CDH23: variants seen among roughly 807,000 people sequenced by gnomAD.
CDH23 encodes the protein cadherin-23.
A neutral mutation model predicts 317.1 loss-of-function variants in CDH23; 189 were observed. That is an observed-to-expected ratio of 0.60 (90% CI 0.53 to 0.67). The LOEUF (loss-of-function observed/expected upper bound fraction) is 0.67. CDH23 is among the 30% of genes least tolerant of loss of function. The pLI is 0.00. For missense variants in CDH23, 4,401 were observed against 4,592.4 expected (o/e 0.96, Z 1.20); for synonymous variants, 1,839 against 1,876.8 (o/e 0.98, Z 0.52).
chr10:71,669,058 C>G (rs754739683), intron 14 of CDH23, among the ~76,000 whole-genome samples: 1 of 152,232 alleles, frequency 6.6e-6, no homozygotes, highest in Non-Finnish European at 1.5e-5. Flanking sequence ...CCCTCTCCCC[C>G]ACATGCTGAC....
At chr10:71,642,253 T>G (rs1812755944) in intron 11 of CDH23, among the ~76,000 whole-genome samples, 2 of 152,076 alleles carry the variant, frequency 1.3e-5, no homozygotes, top group African/African-American at 4.8e-5. Context: ...CATTGCTGAC[T>G]GCAAGGCCAA....
At chr10:71,476,684 G>A (rs1936925712) in intron 3 of CDH23, among the ~76,000 whole-genome samples, 1 of 152,190 alleles carries the variant, frequency 6.6e-6, no homozygotes, top group Non-Finnish European at 1.5e-5. Flanking sequence ...AGACAGAAGG[G>A]TGTATCGTAG....
chr10:71,771,834 C>G (rs761674364), intron 38 of CDH23, among the ~76,000 whole-genome samples: 15 of 152,228 alleles, frequency 9.9e-5, no homozygotes, highest in Non-Finnish European at 1.9e-4. Context: ...AAGCTGGGTC[C>G]CTGTGCCCTG....
chr10:71,615,016 G>A (rs778680242), intron 9 of CDH23, among the ~76,000 whole-genome samples: 3 of 151,804 alleles, frequency 2.0e-5, no homozygotes, highest in Non-Finnish European at 4.4e-5. Flanking sequence ...TTTACATCAC[G>A]GTCATAAATA....
At chr10:71,692,289 T>A (rs1370744712) in intron 20 of CDH23, among the ~76,000 whole-genome samples, 1 of 152,120 alleles carries the variant, frequency 6.6e-6, no homozygotes, top group African/African-American at 2.4e-5. Flanking sequence ...ACCCCCGCCC[T>A]TGCCTCCCCA....
chr10:71,681,867 C>T (rs1458029114), intron 17 of CDH23, among the ~76,000 whole-genome samples: 1 of 152,212 alleles, frequency 6.6e-6, no homozygotes, highest in Non-Finnish European at 1.5e-5. Flanking sequence ...CTGCCTTCTG[C>T]ACCCCACTGC....
intron 14 of CDH23, among the ~76,000 whole-genome samples, chr10:71,657,537 G>T (rs1231805601): frequency 6.6e-6 from 1 of 152,182 alleles, no homozygotes; most frequent in Admixed American, 6.5e-5. Flanking sequence ...GTAAGCCTGG[G>T]AGATGATAAC....
rs545047958 is a variant in CDH23, at chr10:71,815,354, G to A, written c.*76G>A. The A allele has an allele frequency of 3.2e-4, 447 of 1,377,996 alleles. 2 individuals are homozygous for A. Among genetic ancestry groups the A allele is most frequent in the Admixed American group, 1.6e-3 (58 of 37,254 alleles). The allele number at this position is 1,377,996 out of a possible 1,614,324, so 85.4% of individuals were successfully genotyped here. A position where few individuals can be genotyped will look rare whatever the true frequency, so the allele number is the denominator to read the frequency against. ...CCCAGGGAGCAAGGGCAGGGACAGGGCCGGTCGGGGGGGACCCTCCAAGGC... is the reference window on the plus strand; with the variant it reads ...CCCAGGGAGCAAGGGCAGGGACAGGACCGGTCGGGGGGGACCCTCCAAGGC... On this transcript the variant is annotated 3_prime_UTR_variant, in exon 70 of 70. Coordinates refer to ENST00000224721, the MANE Select transcript of CDH23 (RefSeq NM_022124.6).
At chr10:71,533,570 C>CACACACA (rs1855536445) in intron 6 of CDH23, among the ~76,000 whole-genome samples, 3 of 112,308 alleles carry the variant, frequency 2.7e-5, no homozygotes, top group Non-Finnish European at 4.1e-5. Flanking sequence ...CACACACACA[C>CACACACA]TGGCTGGGGC....
intron 9 of CDH23, among the ~76,000 whole-genome samples, chr10:71,598,940 C>T (rs1360092027): frequency 6.6e-6 from 1 of 152,148 alleles, no homozygotes; most frequent in Non-Finnish European, 1.5e-5. Context: ...ACATCTGGGG[C>T]TGAGCCTCCA....
chr10:71,761,696 AG>A (rs1840389992), intron 38 of CDH23: 1 of 1,613,888 alleles, frequency 6.2e-7, no homozygotes, highest in Non-Finnish European at 8.5e-7. Flanking sequence ...GCTATCCAGC[AG>A]GGTCAGGTTG....
rs58361666 is a variant in CDH23, at chr10:71,667,359, A to AGAGAGAGAGAGTGT, written c.1450-7752_1450-7751insAGAGAGAGAGTGTG. On this transcript the variant is annotated intron_variant, in intron 14 of 69. Coordinates refer to ENST00000224721, the MANE Select transcript of CDH23 (RefSeq NM_022124.6). ...GCTTGAGGCAGAGAAAGAGAGAGAG[A>AGAGAGAGAGAGTGT]GTGTGTGTGTGTGTGTGTGTGTGTG... is the stretch of plus-strand genomic sequence containing the variant. Among the ~76,000 whole-genome samples, 902 of 112,020 alleles carry AGAGAGAGAGAGTGT rather than the reference A, an allele frequency of 8.1e-3. 6 individuals are homozygous for AGAGAGAGAGAGTGT. The highest frequency in any genetic ancestry group is 9.9e-3 in the South Asian group (29 of 2,922). 73.5% of individuals were successfully genotyped at this position (112,020 alleles called of 152,430 possible).
chr10:71,798,577 A>C lies in CDH23; in HGVS notation c.7053A>C (p.Ala2351=). The C allele has an allele frequency of 6.2e-7, 1 of 1,605,652 alleles. No individual in the cohort carries two copies. The highest frequency in any genetic ancestry group is 2.2e-5 in the East Asian group (1 of 44,648). Residue 2351 remains alanine, a splice_region_variant and synonymous_variant, in exon 50 of 70, where the codon GCA becomes GCC. Coordinates refer to ENST00000224721, the MANE Select transcript of CDH23 (RefSeq NM_022124.6). The part of the protein sequence containing the change: ...PGYVQLEDSS[A]GKVIANRTVD... ...ATGTCCAGCTGGAGGACTCCTCGGC[A>C]GGTAGGTTAGAAATCTGTCAGAGGA...
chr10:71,522,715 G>T (rs1403575095), intron 6 of CDH23, among the ~76,000 whole-genome samples: 1 of 152,160 alleles, frequency 6.6e-6, no homozygotes, highest in Non-Finnish European at 1.5e-5. Flanking sequence ...CTTTCAGGTG[G>T]ATATGGAGCT....
chr10:71,612,383 G>A, intron 9 of CDH23, among the ~76,000 whole-genome samples: 1 of 152,038 alleles, frequency 6.6e-6, no homozygotes, highest in East Asian at 1.9e-4. Context: ...CGGGTTTGGA[G>A]TGGGCAGTGT....
At position 71,702,157 on chromosome 10, in the gene CDH23, C is replaced by G; in HGVS notation, c.2533C>G (p.Pro845Ala). 1 of 1,613,942 alleles carries G rather than the reference C, an allele frequency of 6.2e-7. No individual in the cohort carries two copies. Among genetic ancestry groups the G allele is most frequent in the Non-Finnish European group, 8.5e-7 (1 of 1,179,884 alleles). The change falls in exon 23 of 70, where the codon CCC becomes GCC. Residue 845 changes from proline to alanine, a missense_variant. Around this residue, in one of 3 missense-constraint regions of CDH23, gnomAD observed 3,068 missense variants for 3,203.3 expected, o/e 0.96. Transcript: ENST00000224721. ...CCACGCCATGCTGGACCGGGAGAAC[C>G]CCGACCCCCATGAGGCCGAGCTGAT... is the stretch of plus-strand genomic sequence containing the variant. The part of the protein sequence containing the change: ...TTHAMLDREN[P>A]DPHEAELMRK...
At chr10:71,481,124 G>C (rs1042008530) in intron 3 of CDH23, among the ~76,000 whole-genome samples, 8 of 152,168 alleles carry the variant, frequency 5.3e-5, no homozygotes, top group Non-Finnish European at 1.2e-4. Context: ...TTGCCCAGCT[G>C]TGGCCTGGGT....
At chr10:71,403,759 C>T (rs998332964) in intron 1 of CDH23, among the ~76,000 whole-genome samples, 5 of 151,800 alleles carry the variant, frequency 3.3e-5, no homozygotes, top group Admixed American at 2.0e-4. Context: ...TCGTAATCTG[C>T]CCACCTCGGC....
At chr10:71,707,428 C>T in intron 26 of CDH23, 1 of 1,268,054 alleles carries the variant, frequency 7.9e-7, no homozygotes, top group Non-Finnish European at 1.0e-6. Context: ...CCTCATCCTT[C>T]CTTGGGGACC....
Sources: allele counts gnomAD v4.1 joint callset (sites outside exome capture counted in the v4.1 genomes callset), GRCh38; gene constraint gnomAD v4.1.1; regional missense constraint gnomAD v4.1.1; transcripts MANE v1.5; gene names NCBI Gene and HGNC (gene_info 2026-07-23, HGNC 2026-07-21).